KRT7: variants seen among roughly 807,000 people sequenced by gnomAD.
The protein encoded by KRT7 is keratin 7.
In KRT7, 50 loss-of-function variants were observed where a neutral mutation model predicts 42.8. That is an observed-to-expected ratio of 1.17 (90% CI 0.93 to 1.48). The LOEUF is 1.48. KRT7 is among the 40% of genes most tolerant of loss of function. The pLI is 0.00. For synonymous variants in KRT7, 268 were observed against 266.3 expected, an observed-to-expected ratio of 1.01 and a Z score of -0.06; for missense variants, 588 against 637.6, an observed-to-expected ratio of 0.92 and a Z score of 0.84.
chr12:52,240,148 T>C (rs1942065670), intron 4 of KRT7, among the ~76,000 whole-genome samples: 1 of 141,184 alleles, frequency 7.1e-6, no homozygotes, highest in Non-Finnish European at 1.5e-5. Context: ...TATTTATGTG[T>C]AAACACACAT....
chr12:52,253,573 T>C (rs764388699), downstream of KRT7: 3 of 1,596,374 alleles, frequency 1.9e-6, no homozygotes, highest in African/African-American at 4.0e-5. Flanking sequence ...CTGCCATGTC[T>C]AGCAGGCAGG....
At chr12:52,250,511 GGGCGCACACA>G, downstream of KRT7, 1 of 762,498 alleles carries the variant, frequency 1.3e-6, no homozygotes, top group Non-Finnish European at 2.2e-6. Flanking sequence ...TCTGGCCGCA[GGGCGCACACA>G]GGCCGGTGCT....
At chr12:52,251,386 T>TA (rs1235569319), downstream of KRT7, among the ~76,000 whole-genome samples, 14 of 152,366 alleles carry the variant, frequency 9.2e-5, no homozygotes, top group South Asian at 2.1e-4. Flanking sequence ...TGATGAGCTT[T>TA]AAAAAATCAC....
downstream of KRT7, chr12:52,252,202 C>T (rs918953558): frequency 1.3e-6 from 2 of 1,589,442 alleles, no homozygotes; most frequent in Non-Finnish European, 1.7e-6. Flanking sequence ...GGTGTTGAAG[C>T]ACTGCAGCAC....
rs762637585 is a variant in KRT7, at chr12:52,245,514, C to T, written c.1087C>T (p.Arg363Trp). 1.4e-5 allele frequency: 23 copies of T among 1,613,892 alleles called. No individual in the cohort carries two copies. Among genetic ancestry groups the T allele is most frequent in the African/African-American group, 2.7e-5 (2 of 74,938 alleles). ...KQEELEAALQ[R>W]GKQDMARQLR... is the part of the protein sequence containing the mutation. ...GGAGGAGCTGGAAGCCGCCCTGCAG[C>T]GGGGCAAGCAGGATATGGCACGGCA... The change falls in exon 7 of 9, where the codon CGG becomes TGG. Residue 363 changes from arginine (R) to tryptophan (W), a missense_variant. By Grantham distance (101) the Arg-to-Trp change is moderately radical. Transcript: ENST00000331817.
At chr12:52,235,050 G>T in intron 1 of KRT7, 105 bp from the exon 2 acceptor site, 1 of 1,065,272 alleles carries the variant, frequency 9.4e-7, no homozygotes, top group African/African-American at 1.6e-5. Context: ...GAAACAGCCA[G>T]GGGGAGCATG....
intron 3 of KRT7, chr12:52,237,774 G>C: frequency 2.5e-6 from 1 of 397,538 alleles, no homozygotes; most frequent in Non-Finnish European, 4.5e-6. Context: ...TGACTGATTA[G>C]ACTCATTTCT....
At chr12:52,234,127 A>AGGGGGGGGGGGGTGGGGG (rs574825664) in intron 1 of KRT7, among the ~76,000 whole-genome samples, 1 of 82,844 alleles carries the variant, frequency 1.2e-5, no homozygotes, top group African/African-American at 4.9e-5. Context: ...GGGGCGGGGG[A>AGGGGGGGGGGGGTGGGGG]GGGGGGGGGG....
intron 6 of KRT7, 129 bp downstream of exon 6, chr12:52,243,266 C>T: frequency 9.2e-7 from 1 of 1,084,422 alleles, no homozygotes. Flanking sequence ...GTCTCAGACC[C>T]CCTTGTGAGA....
At chr12:52,253,197 G>A, downstream of KRT7, 1 of 1,595,384 alleles carries the variant, frequency 6.3e-7, no homozygotes, top group Non-Finnish European at 8.6e-7. Flanking sequence ...CTGAGGGGTG[G>A]GCTGGGCTCC....
chr12:52,243,397 G>A, intron 6 of KRT7: 1 of 450,578 alleles, frequency 2.2e-6, no homozygotes, highest in South Asian at 3.5e-5. Context: ...AGCCACCACT[G>A]GTTCCACATT....
At position 52,233,251 on chromosome 12, in the gene KRT7, C is replaced by A; in HGVS notation, c.-46C>A. 1 of 1,415,294 alleles carries A rather than the reference C, an allele frequency of 7.1e-7. No homozygotes were observed. Among genetic ancestry groups the A allele is most frequent in the Non-Finnish European group, 9.4e-7 (1 of 1,065,278 alleles). The allele number at this position is 1,415,294 out of a possible 1,614,324, so 87.7% of individuals were successfully genotyped here. ...GGAGTGTCCCCGAGGTCAGCGAGTGCGCGCTCCTCCTCGCCCGCCGCTAGG... is the reference window on the plus strand; with the variant it reads ...GGAGTGTCCCCGAGGTCAGCGAGTGAGCGCTCCTCCTCGCCCGCCGCTAGG... On this transcript the variant is annotated 5_prime_UTR_variant, in exon 1 of 9. Coordinates refer to ENST00000331817, the MANE Select transcript of KRT7 (RefSeq NM_005556.4).
chr12:52,252,559 C>A, downstream of KRT7: 1 of 1,532,414 alleles, frequency 6.5e-7, no homozygotes, highest in Non-Finnish European at 8.8e-7. Context: ...TGACCACTGA[C>A]TAGCAGAAGA....
intron 2 of KRT7, among the ~76,000 whole-genome samples, chr12:52,236,846 A>G (rs1053509359): frequency 2.6e-5 from 4 of 152,014 alleles, no homozygotes; most frequent in Non-Finnish European, 5.9e-5. Context: ...GCTCCTTGGG[A>G]GGAAGAGTGA....
intron 5 of KRT7, 49 bp from the exon 6 acceptor site, chr12:52,242,963 G>C (rs2298798): frequency 6.4e-7 from 1 of 1,570,026 alleles, no homozygotes; most frequent in Non-Finnish European, 8.6e-7. Flanking sequence ...TGAGTTACCT[G>C]TACTCACTGC....
At chr12:52,249,576 G>C (rs1942231715), downstream of KRT7, 1 of 152,502 alleles carries the variant, frequency 6.6e-6, no homozygotes, top group Non-Finnish European at 1.5e-5. Context: ...TCTGTGTTAA[G>C]TCAGTGCTTG....
intron 3 of KRT7, 65 bp from the exon 4 acceptor site, chr12:52,238,615 C>A: frequency 2.0e-6 from 2 of 977,448 alleles, no homozygotes; most frequent in Non-Finnish European, 3.3e-6. Flanking sequence ...TGCTTCCACC[C>A]CTACTAAATG....
chr12:52,239,774 G>A (rs1942059308), intron 4 of KRT7, among the ~76,000 whole-genome samples: 1 of 152,174 alleles, frequency 6.6e-6, no homozygotes. Context: ...GTAGCTGCCT[G>A]CCAACTCACC....
downstream of KRT7, chr12:52,252,623 G>A: frequency 9.6e-7 from 1 of 1,041,228 alleles, no homozygotes; most frequent in Non-Finnish European, 1.4e-6. Context: ...GTGCTCCCAG[G>A]CATGTTTGCA....
Sources: gnomAD v4.1 joint callset for allele counts (sites outside exome capture counted in the v4.1 genomes callset) on GRCh38, gnomAD v4.1.1 for gene constraint, MANE v1.5 for transcripts, NCBI Gene and HGNC (gene_info 2026-07-23, HGNC 2026-07-21) for gene names.